The following PHKB variants were observed in gnomAD, a reference collection of about 807,000 sequenced individuals.
PHKB encodes phosphorylase b kinase regulatory subunit beta.
A neutral mutation model predicts 152.1 loss-of-function variants in PHKB; 122 were observed. The observed-to-expected ratio is 0.80, with a 90% CI of 0.69 to 0.93. PHKB has a LOEUF of 0.93. Among genes scored for constraint, PHKB ranks in the 40% least tolerant of loss-of-function variants. The probability of loss-of-function intolerance (pLI) is 0.00; values close to 1 mark genes in which losing one functional copy is unlikely to be tolerated. For missense variants in PHKB, 1,304 were observed against 1,328.4 expected (o/e 0.98, Z 0.29); for synonymous variants, 436 against 464.9 (o/e 0.94, Z 0.80).
At chr16:47,649,054 T>G (rs1973186490) in intron 17 of PHKB, 46 bp from the exon 18 acceptor site, 1 of 1,036,540 alleles carries the variant, frequency 9.6e-7, no homozygotes, top group South Asian at 1.3e-5. Flanking sequence ...ACCTTTGCCT[T>G]TGGTATGTTC....
intron 13 of PHKB, among the ~76,000 whole-genome samples, chr16:47,605,443 GT>G (rs1972305055): frequency 6.6e-6 from 1 of 152,100 alleles, no homozygotes. Context: ...AGGATATAAG[GT>G]TTCTTAATTT....
At chr16:47,637,360 C>T (rs975881138) in intron 14 of PHKB, among the ~76,000 whole-genome samples, 3 of 152,170 alleles carry the variant, frequency 2.0e-5, no homozygotes, top group African/African-American at 7.2e-5. Flanking sequence ...ACACGCACCC[C>T]CCACCCAACA....
chr16:47,631,173 TCTGC>T (rs1264415489), intron 14 of PHKB, among the ~76,000 whole-genome samples: 1 of 152,210 alleles, frequency 6.6e-6, no homozygotes, highest in Non-Finnish European at 1.5e-5. Context: ...TCTAGAGATC[TCTGC>T]CTGCTATAGC....
intron 16 of PHKB, among the ~76,000 whole-genome samples, chr16:47,645,715 C>T (rs1430490119): frequency 5.9e-5 from 9 of 151,752 alleles, no homozygotes; most frequent in Middle Eastern, 3.4e-3. Flanking sequence ...AAAAAGTGGG[C>T]GAAGGACATG....
chr16:47,609,256 G>T (rs1289910702), intron 13 of PHKB, among the ~76,000 whole-genome samples: 2 of 151,996 alleles, frequency 1.3e-5, no homozygotes, highest in African/African-American at 2.4e-5. Context: ...GATTCTACTT[G>T]GTTATGATGT....
At chr16:47,510,497 C>T (rs1970492303) in intron 4 of PHKB, among the ~76,000 whole-genome samples, 1 of 152,144 alleles carries the variant, frequency 6.6e-6, no homozygotes, top group South Asian at 2.1e-4. Context: ...CCCTGTTGCT[C>T]AGGAAATTCG....
intron 1 of PHKB, among the ~76,000 whole-genome samples, chr16:47,476,622 C>G (rs1299802286): frequency 6.6e-6 from 1 of 152,100 alleles, no homozygotes; most frequent in African/African-American, 2.4e-5. Context: ...ATACTTATAC[C>G]TAAGACCTAT....
intron 7 of PHKB, among the ~76,000 whole-genome samples, chr16:47,579,387 TC>T (rs1055089268): frequency 2.0e-4 from 31 of 152,250 alleles, no homozygotes; most frequent in African/African-American, 7.5e-4. Flanking sequence ...GGAGCCCTAC[TC>T]CCAAGAAGAA....
At chr16:47,682,250 C>G (rs1031471570) in intron 26 of PHKB, among the ~76,000 whole-genome samples, 3 of 152,136 alleles carry the variant, frequency 2.0e-5, no homozygotes, top group Admixed American at 6.5e-5. Context: ...TGGAGTTGCT[C>G]TTCTCGAGGA....
chr16:47,582,112 A>T (rs1014118749), intron 8 of PHKB, among the ~76,000 whole-genome samples: 1 of 152,248 alleles, frequency 6.6e-6, no homozygotes, highest in Non-Finnish European at 1.5e-5. Flanking sequence ...TGATGTTAAC[A>T]GCAGTCTGGA....
chr16:47,461,312 G>GAT, upstream of PHKB: 1 of 1,525,944 alleles, frequency 6.6e-7, no homozygotes, highest in Non-Finnish European at 9.0e-7. Context: ...GCTGACAGGC[G>GAT]GCCCCGGGGG....
At chr16:47,518,133 T>G (rs1012879617) in intron 6 of PHKB, among the ~76,000 whole-genome samples, 1 of 152,200 alleles carries the variant, frequency 6.6e-6, no homozygotes, top group Non-Finnish European at 1.5e-5. Flanking sequence ...ACTCACATTT[T>G]AAGACAATCT....
chr16:47,556,110 T>C (rs1462872526), intron 7 of PHKB, among the ~76,000 whole-genome samples: 25 of 152,192 alleles, frequency 1.6e-4, no homozygotes, highest in South Asian at 4.1e-4. Flanking sequence ...GTGATTTTTG[T>C]ACATTGATTT....
chr16:47,651,348 T>A (rs1973234595), intron 20 of PHKB, among the ~76,000 whole-genome samples: 1 of 152,214 alleles, frequency 6.6e-6, no homozygotes, highest in East Asian at 1.9e-4. Flanking sequence ...TTTGGTTCAC[T>A]GTTGGTCATA....
rs142374852 is a variant in PHKB at position 47,494,405 on chromosome 16, A to G, written c.77-2994A>G. Among the ~76,000 whole-genome samples the G allele has an allele frequency of 9.2e-4, 140 of 152,334 alleles. 1 individual carries two copies. Among genetic ancestry groups the G allele is most frequent in the African/African-American group, 3.0e-3 (126 of 41,584 alleles). ...ATAATAAAAGTTATTGATTAGCTCT[A>G]TATTGTTCTTTGTATCACAAATTCC... On this transcript the variant is annotated intron_variant, in intron 1 of 30. Transcript: ENST00000323584.
At chr16:47,687,466 A>G (rs1017915106) in intron 26 of PHKB, among the ~76,000 whole-genome samples, 41 of 152,334 alleles carry the variant, frequency 2.7e-4, no homozygotes, top group African/African-American at 9.6e-4. Context: ...GGTGTAGTCC[A>G]GTTTTTCTTT....
chr16:47,642,014 A>C (rs1225702839), intron 16 of PHKB, among the ~76,000 whole-genome samples: 1 of 152,108 alleles, frequency 6.6e-6, no homozygotes, highest in African/African-American at 2.4e-5. Context: ...AATAGGAATA[A>C]AATTATTCTT....
At chr16:47,537,944 G>T (rs1219793672) in intron 6 of PHKB, among the ~76,000 whole-genome samples, 1 of 151,684 alleles carries the variant, frequency 6.6e-6, no homozygotes, top group Non-Finnish European at 1.5e-5. Flanking sequence ...ATCCAGGCTG[G>T]AGTGCAGTGG....
chr16:47,464,576 T>C (rs1351074156), intron 1 of PHKB, among the ~76,000 whole-genome samples: 1 of 152,152 alleles, frequency 6.6e-6, no homozygotes, highest in Non-Finnish European at 1.5e-5. Flanking sequence ...ATGAAAGCTA[T>C]GGAATTGCTC....
Sources: allele counts gnomAD v4.1 joint callset (sites outside exome capture counted in the v4.1 genomes callset), GRCh38; gene constraint gnomAD v4.1.1; transcripts MANE v1.5; gene names NCBI Gene and HGNC (gene_info 2026-07-23, HGNC 2026-07-21).